Variants in TNNI3K observed in about 807,000 individuals in gnomAD.
TNNI3K encodes the protein TNNI3 interacting kinase.
TNNI3K carries 140 observed loss-of-function variants against 114.5 expected under a neutral mutation model. That is an observed-to-expected ratio of 1.22 (90% CI 1.07 to 1.41). The LOEUF is 1.41. TNNI3K is among the 40% of genes most tolerant of loss of function. The pLI is 0.00. For synonymous variants in TNNI3K, 347 were observed against 347.5 expected (o/e 1.00, Z 0.02); for missense variants, 1,125 against 1,007.6 (o/e 1.12, Z -1.58).
At chr1:74,498,991 C>T (rs1669474693) in intron 23 of TNNI3K, among the ~76,000 whole-genome samples, 2 of 152,044 alleles carry the variant, frequency 1.3e-5, no homozygotes, top group Non-Finnish European at 2.9e-5. Flanking sequence ...ATAAATACAC[C>T]AATTATTGAC....
At chr1:74,287,391 A>G (rs914206671) in intron 5 of TNNI3K, among the ~76,000 whole-genome samples, 14 of 152,164 alleles carry the variant, frequency 9.2e-5, no homozygotes, top group African/African-American at 3.1e-4. Context: ...AGATACAGAG[A>G]TATTCACTGA....
At position 74,432,998 on chromosome 1, in the gene TNNI3K, T is replaced by C. The variant is rs1437922974; in HGVS notation, c.1773-3082T>C. Among the ~76,000 whole-genome samples, 4 of 152,048 alleles carry C rather than the reference T, an allele frequency of 2.6e-5. No homozygotes were observed. In the East Asian group the frequency reaches 7.7e-4, roughly 29 times the overall value. On this transcript the variant is annotated intron_variant, in intron 17 of 24. Coordinates refer to ENST00000326637, the MANE Select transcript of TNNI3K (RefSeq NM_015978.3). ...ATCTCCATAGTGGCTCCATGAGGAA[T>C]GGAAAAATGTTGAAAACACCAGTGC...
Position 74,370,325 on chromosome 1 carries a change from G to A in TNNI3K, c.1705G>A (p.Asp569Asn), listed in dbSNP as rs1467175529. 10 of 1,604,306 alleles carry A rather than the reference G, an allele frequency of 6.2e-6. No homozygotes were observed. Among genetic ancestry groups the A allele is most frequent in the African/African-American group, 1.3e-5 (1 of 74,532 alleles). ...GCAGTCTAAATTAATTATTGCAGTAGATGTTGCCAAAGGCATGGAGTACCT... is the reference window on the plus strand; with the variant it reads ...GCAGTCTAAATTAATTATTGCAGTAAATGTTGCCAAAGGCATGGAGTACCT... Reference protein sequence around the residue: ...DLQSKLIIAVDVAKGMEYLHN... With the variant: ...DLQSKLIIAVNVAKGMEYLHN... The change falls in exon 17 of 25, where the codon GAT becomes AAT. Residue 569 changes from aspartate (D) to asparagine (N), a missense_variant. By Grantham distance (23) the Asp-to-Asn change is conservative. Transcript: ENST00000326637.
intron 4 of TNNI3K, among the ~76,000 whole-genome samples, chr1:74,251,324 A>C (rs1054780391): frequency 6.6e-6 from 1 of 152,210 alleles, no homozygotes; most frequent in African/African-American, 2.4e-5. Flanking sequence ...TTAGTGTTGG[A>C]ATTGAACCTT....
In TNNI3K at chr1:74,455,210, A is replaced by C. The variant is rs571883114; in HGVS notation, c.2012-8231A>C. The stretch of plus-strand genomic sequence containing the variant: ...CTTTTACCCAAACTGGAGGAAGTAA[A>C]AGGATATCAGGGAAGGATTCTTAGA... On this transcript the variant is annotated intron_variant, in intron 20 of 24. Coordinates refer to ENST00000326637, the MANE Select transcript of TNNI3K (RefSeq NM_015978.3). 1.7e-4 allele frequency among the ~76,000 whole-genome samples: 26 copies of C among 152,316 alleles called. No homozygotes were observed. The East Asian group carries it at 4.6e-3, about 27-fold the overall frequency.
intron 4 of TNNI3K, among the ~76,000 whole-genome samples, chr1:74,264,640 T>C (rs1384628859): frequency 2.0e-5 from 3 of 152,100 alleles, no homozygotes; most frequent in Non-Finnish European, 4.4e-5. Flanking sequence ...AAAGTTCAGC[T>C]CCTTCTTGGA....
At chr1:74,449,620 A>G (rs1287163019) in intron 20 of TNNI3K, among the ~76,000 whole-genome samples, 11 of 151,914 alleles carry the variant, frequency 7.2e-5, no homozygotes, top group Admixed American at 7.2e-4. Flanking sequence ...CTTCGATAAA[A>G]CAGACTTTAA....
chr1:74,295,795 AT>A (rs1464127533), intron 5 of TNNI3K, among the ~76,000 whole-genome samples: 40 of 152,176 alleles, frequency 2.6e-4, no homozygotes, highest in Non-Finnish European at 4.7e-4. Context: ...TTTGAGACTA[AT>A]AATATTCCGT....
chr1:74,326,019 A>G (rs1659882294), intron 5 of TNNI3K, among the ~76,000 whole-genome samples: 1 of 152,224 alleles, frequency 6.6e-6, no homozygotes, highest in South Asian at 2.1e-4. Flanking sequence ...AAGGTGAGAC[A>G]CAGGCATAGA....
chr1:74,304,294 G>A (rs1231797207), intron 5 of TNNI3K, among the ~76,000 whole-genome samples: 1 of 152,164 alleles, frequency 6.6e-6, no homozygotes, highest in African/African-American at 2.4e-5. Flanking sequence ...ATTTTAAGAA[G>A]TTTCCAAAGC....
intron 3 of TNNI3K, among the ~76,000 whole-genome samples, chr1:74,250,151 C>T (rs571601892): frequency 6.6e-6 from 1 of 152,250 alleles, no homozygotes; most frequent in South Asian, 2.1e-4. Flanking sequence ...TAAAATGGAA[C>T]AGAAATGTGT....
intron 11 of TNNI3K, among the ~76,000 whole-genome samples, chr1:74,365,254 C>A (rs949570129): frequency 2.6e-5 from 4 of 151,904 alleles, no homozygotes; most frequent in Non-Finnish European, 1.5e-5. Flanking sequence ...CAGATCATAT[C>A]CTTTAACTAA....
chr1:74,366,998 TAAG>T (rs1662305674), intron 11 of TNNI3K, among the ~76,000 whole-genome samples: 1 of 152,018 alleles, frequency 6.6e-6, no homozygotes, highest in Non-Finnish European at 1.5e-5. Context: ...TTCTTAAGGG[TAAG>T]ACCATAGTCA....
chr1:74,335,409 A>C (rs1320527167), intron 6 of TNNI3K, among the ~76,000 whole-genome samples: 2 of 152,146 alleles, frequency 1.3e-5, no homozygotes, highest in Non-Finnish European at 2.9e-5. Context: ...TATCATTTCA[A>C]CTATTACCAC....
chr1:74,240,077 T>G (rs545810102), intron 2 of TNNI3K: 85 of 395,382 alleles, frequency 2.1e-4, no homozygotes, highest in Non-Finnish European at 3.6e-4. Flanking sequence ...GCCTCTAATC[T>G]TTATCAACAT....
chr1:74,504,074 G>A (rs1669769168), intron 23 of TNNI3K, among the ~76,000 whole-genome samples: 1 of 152,144 alleles, frequency 6.6e-6, no homozygotes, highest in African/African-American at 2.4e-5. Flanking sequence ...TGCATACCCA[G>A]ACAGCACTAT....
At chr1:74,469,570 G>C (rs1168380405) in intron 21 of TNNI3K, 1 of 164,006 alleles carries the variant, frequency 6.1e-6, no homozygotes, top group African/African-American at 5.7e-5. Context: ...TTTTTCATTT[G>C]TTTAAGGCTT....
At chr1:74,283,430 C>T (rs188381940) in intron 5 of TNNI3K, among the ~76,000 whole-genome samples, 5 of 152,224 alleles carry the variant, frequency 3.3e-5, no homozygotes, top group South Asian at 2.1e-4. Context: ...TATAAAAGGA[C>T]GCTAGCTTGT....
At chr1:74,460,260 G>A (rs1667400324) in intron 20 of TNNI3K, among the ~76,000 whole-genome samples, 1 of 151,968 alleles carries the variant, frequency 6.6e-6, no homozygotes, top group Admixed American at 6.6e-5. Context: ...GTAGAGATGC[G>A]GTTTCACCGT....
Sources: gnomAD v4.1 joint callset for allele counts (sites outside exome capture counted in the v4.1 genomes callset) on GRCh38, gnomAD v4.1.1 for gene constraint, MANE v1.5 for transcripts, NCBI Gene and HGNC (gene_info 2026-07-23, HGNC 2026-07-21) for gene names.